Variants in PCDHGB2 observed in about 807,000 individuals in gnomAD.
PCDHGB2 encodes protocadherin gamma-B2.
Under a neutral mutation model 59.3 loss-of-function variants are expected in PCDHGB2, and 55 were observed. The observed-to-expected ratio is 0.93, with a 90% confidence interval of 0.75 to 1.16. The LOEUF (loss-of-function observed/expected upper bound fraction) is 1.16, where lower values mean the gene tolerates loss of function less well. PCDHGB2 is among the 50% of genes most tolerant of loss of function. The pLI, the probability that PCDHGB2 is intolerant of heterozygous loss-of-function variation, is 0.00. For missense variants in PCDHGB2, 1,228 were observed against 1,198.5 expected, an observed-to-expected ratio of 1.02 and a Z score of -0.36; for synonymous variants, 516 against 512.0, an observed-to-expected ratio of 1.01 and a Z score of -0.11.
At chr5:141,444,119 T>G (rs1236466434) in intron 1 of PCDHGB2, among the ~76,000 whole-genome samples, 4 of 146,736 alleles carry the variant, frequency 2.7e-5, no homozygotes, top group African/African-American at 1.0e-4. Context: ...AAGTGAAGTA[T>G]CTCAACAGAT....
intron 1 of PCDHGB2, chr5:141,478,188 C>T (rs770414950): frequency 4.3e-6 from 7 of 1,613,920 alleles, no homozygotes; most frequent in Non-Finnish European, 5.9e-6. Flanking sequence ...AAAAATCTCA[C>T]CTTTTATCTA....
chr5:141,361,599 C>T lies in PCDHGB2; in HGVS notation c.1464C>T (p.Ser488=), dbSNP rs765204837. 6.2e-7 allele frequency: 1 copy of T among 1,614,058 alleles called. No individual in the cohort carries two copies. Among genetic ancestry groups the T allele is most frequent in the Non-Finnish European group, 8.5e-7 (1 of 1,179,914 alleles). ...DPDLGPSGQV[S]YSIVASDLKP... ...ACTTGGGCCCCAGTGGCCAAGTTTC[C>T]TACTCCATCGTAGCGAGCGACCTGA... The change falls in exon 1 of 4, where the codon TCC becomes TCT. Residue 488 remains serine, a synonymous_variant. Coordinates refer to ENST00000522605, the MANE Select transcript of PCDHGB2 (RefSeq NM_018923.3).
intron 1 of PCDHGB2, chr5:141,403,221 T>G (rs899056141): frequency 1.3e-5 from 21 of 1,613,974 alleles, no homozygotes; most frequent in Non-Finnish European, 1.8e-5. Flanking sequence ...GCGGGTAGGA[T>G]AGACCGGGAG....
At position 141,495,009 on chromosome 5, in the gene PCDHGB2, G is replaced by A; in HGVS notation, c.2480+144G>A. 6 of 1,518,622 alleles carry A rather than the reference G, an allele frequency of 4.0e-6. No homozygotes were observed. The South Asian group carries it at 6.2e-5, about 16-fold the overall frequency. The allele number at this position is 1,518,622 out of a possible 1,614,324, so 94.1% of individuals were successfully genotyped here. ...TCCCAGGGAGGTCTTGGTGTGCGGG[G>A]GGCTGGCACACAGACCCCGGAAGGA... is the stretch of plus-strand genomic sequence containing the variant. On this transcript the variant is annotated intron_variant, in intron 2 of 3. Coordinates refer to ENST00000522605, the MANE Select transcript of PCDHGB2 (RefSeq NM_018923.3).
rs889285153 is a variant in PCDHGB2, at chr5:141,494,978, T to C, written c.2480+113T>C. ...TGCTACAGATGGCTTCTCCCTCAGT[T>C]TGAGATCCCAGGGAGGTCTTGGTGT... On this transcript the variant is annotated intron_variant, in intron 2 of 3. Transcript: ENST00000522605. 7.6e-6 allele frequency: 12 copies of C among 1,572,974 alleles called. No homozygotes were observed. In the Admixed American group the frequency reaches 1.3e-4, roughly 17 times the overall value.
chr5:141,455,787 C>T (rs1259121501), intron 1 of PCDHGB2, among the ~76,000 whole-genome samples: 2 of 152,004 alleles, frequency 1.3e-5, no homozygotes, highest in Non-Finnish European at 2.9e-5. Flanking sequence ...GAAACTTTTC[C>T]GGAGATGCTT....
Position 141,494,855 on chromosome 5 carries a change from G to A in PCDHGB2, c.2470G>A (p.Gly824Ser), listed in dbSNP as rs200418116. The A allele has an allele frequency of 4.8e-4, 774 of 1,614,092 alleles. 7 individuals carry two copies. The South Asian group carries it at 5.1e-3, about 11-fold the overall frequency. ...GCGTTTCTCTCAGGCCCAGAGACCC[G>A]GCACCAGCGGGTAGGTGACTGATTC... is the stretch of plus-strand genomic sequence containing the variant. ...DWRFSQAQRP[G>S]TSGSQNGDDT... Residue 824 changes from glycine (G) to serine (S), a missense_variant, in exon 2 of 4, where the codon GGC becomes AGC. This residue lies in a region of PCDHGB2 where 433 missense variants were observed against 441.8 expected (regional missense o/e 0.98). Coordinates refer to ENST00000522605, the MANE Select transcript of PCDHGB2 (RefSeq NM_018923.3).
chr5:141,487,004 C>G lies in PCDHGB2; in HGVS notation c.2422-7803C>G. 1 of 1,614,224 alleles carries G rather than the reference C, an allele frequency of 6.2e-7. No homozygotes were observed. The highest frequency in any genetic ancestry group is 1.1e-5 in the South Asian group (1 of 91,086). On this transcript the variant is annotated intron_variant, in intron 1 of 3. Transcript: ENST00000522605. This position sits in a 1 kb window ranked among gnomAD's most constrained non-coding sequence, Gnocchi z 5.0. ...CAATGCTTGGGTTTCCTATCAGCTC[C>G]TGGAGGCCCCAGATCCCAGCCTGTT...
At chr5:141,424,610 ATAGAG>A (rs1374272828) in intron 1 of PCDHGB2, 2 of 152,216 alleles carry the variant, frequency 1.3e-5, no homozygotes, top group African/African-American at 4.8e-5. Flanking sequence ...ATTTATTCAA[ATAGAG>A]TAGTTTGTGA....
chr5:141,366,977 A>G, intron 1 of PCDHGB2: 1 of 540,714 alleles, frequency 1.8e-6, no homozygotes, highest in Non-Finnish European at 3.1e-6. Context: ...AATACCTTAA[A>G]GGAAAGTGGT....
At chr5:141,409,471 AG>A in intron 1 of PCDHGB2, 1 of 1,613,978 alleles carries the variant, frequency 6.2e-7, no homozygotes, top group Non-Finnish European at 8.5e-7. Flanking sequence ...TCACCATCGT[AG>A]CCACTGACAG....
chr5:141,366,307 G>C lies in PCDHGB2; in HGVS notation c.2421+3751G>C, dbSNP rs539472764. On this transcript the variant is annotated intron_variant, in intron 1 of 3. Transcript: ENST00000522605. Reference sequence around the variant, plus strand: ...AGCCCCCTCTGTCAGCCACCTTCACGGTCACCGTTGCCGTGGCCGACAGGA... The same window carrying C: ...AGCCCCCTCTGTCAGCCACCTTCACCGTCACCGTTGCCGTGGCCGACAGGA... The C allele has an allele frequency of 7.4e-6, 12 of 1,613,630 alleles. No individual in the cohort carries two copies. In the East Asian group the frequency reaches 2.2e-4, roughly 30 times the overall value.
intron 1 of PCDHGB2, among the ~76,000 whole-genome samples, chr5:141,436,491 T>G (rs546883133): frequency 6.6e-6 from 1 of 152,182 alleles, no homozygotes; most frequent in Non-Finnish European, 1.5e-5. Flanking sequence ...GATAGCAGCT[T>G]TGCAATTAGG....
chr5:141,394,020 AG>A (rs745548616), intron 1 of PCDHGB2: 1 of 1,613,544 alleles, frequency 6.2e-7, no homozygotes, highest in Non-Finnish European at 8.5e-7. Flanking sequence ...TAATTATTAT[AG>A]ATTAGTGACA....
At chr5:141,405,804 C>T (rs1277295024) in intron 1 of PCDHGB2, among the ~76,000 whole-genome samples, 1 of 146,338 alleles carries the variant, frequency 6.8e-6, no homozygotes, top group Non-Finnish European at 1.5e-5. Context: ...AGTTAGCTTT[C>T]TCTTTAACTG....
Position 141,490,943 on chromosome 5 carries a change from G to A in PCDHGB2, c.2422-3864G>A, listed in dbSNP as rs1035375216. The A allele has an allele frequency of 6.8e-6, 11 of 1,613,470 alleles. No homozygotes were observed. The East Asian group carries it at 1.1e-4, about 16-fold the overall frequency. On this transcript the variant is annotated intron_variant, in intron 1 of 3. Coordinates refer to ENST00000522605, the MANE Select transcript of PCDHGB2 (RefSeq NM_018923.3). This position sits in a 1 kb window ranked among gnomAD's most constrained non-coding sequence, Gnocchi z 5.4. Reference sequence around the variant, plus strand: ...AATGCCCCAGCTGTGCTGCACCCACGGCCAGACTGGGAACACTCAGCCCCC... The same window carrying A: ...AATGCCCCAGCTGTGCTGCACCCACAGCCAGACTGGGAACACTCAGCCCCC...
intron 1 of PCDHGB2, chr5:141,394,181 C>T (rs1232533966): frequency 1.2e-6 from 2 of 1,613,928 alleles, no homozygotes; most frequent in East Asian, 4.5e-5. Flanking sequence ...CTCATGCCTC[C>T]TACTCAGCGT....
intron 1 of PCDHGB2, chr5:141,403,717 G>T: frequency 6.2e-7 from 1 of 1,613,936 alleles, no homozygotes; most frequent in Non-Finnish European, 8.5e-7. Flanking sequence ...TTGAGAACGT[G>T]CCCCCAGGCA....
rs77983663 is a variant in PCDHGB2, at chr5:141,504,853, C to T, written c.2481-540C>T. 2.8e-4 allele frequency among the ~76,000 whole-genome samples: 42 copies of T among 152,214 alleles called. No homozygotes were observed. In the East Asian group the frequency reaches 7.7e-3, roughly 28 times the overall value. On this transcript the variant is annotated intron_variant, in intron 2 of 3. Transcript: ENST00000522605. ...TTCTCTAGCTCTGGAACATTCTCTT[C>T]CATTTCCCACCTTCACAGTCCTCTG... is the stretch of plus-strand genomic sequence containing the variant.
Sources: gnomAD v4.1 joint callset for allele counts (sites outside exome capture counted in the v4.1 genomes callset) on GRCh38, gnomAD v4.1.1 for gene constraint, gnomAD v4.1.1 regional missense constraint, Gnocchi (gnomAD v3.1) non-coding constraint, MANE v1.5 for transcripts, NCBI Gene and HGNC (gene_info 2026-07-23, HGNC 2026-07-21) for gene names.